Variants in KLF12 observed in about 807,000 individuals in gnomAD.
KLF12 encodes KLF transcription factor 12.
In KLF12, 9 loss-of-function variants were observed where a neutral mutation model predicts 37.8. The observed-to-expected ratio is 0.24, with a 90% CI of 0.14 to 0.42. The LOEUF is 0.42. KLF12 is among the 10% of genes least tolerant of loss of function. KLF12 has a pLI of 1.00. For missense variants in KLF12, 411 were observed against 516.0 expected (o/e 0.80, Z 1.97); for synonymous variants, 208 against 202.1 (o/e 1.03, Z -0.25).
chr13:74,189,469 G>T, the KLF12 span, among the ~76,000 whole-genome samples: 4 of 152,146 alleles, frequency 2.6e-5, no homozygotes, highest in African/African-American at 9.7e-5. Context: ...TTTGTATGAG[G>T]GACTGCCCCC....
At chr13:74,304,160 C>T in the KLF12 span, among the ~76,000 whole-genome samples, 2 of 152,288 alleles carry the variant, frequency 1.3e-5, no homozygotes, top group East Asian at 3.9e-4. Context: ...GTGATAAAGG[C>T]ACAGGCTTTC....
At chr13:74,302,989 A>G in the KLF12 span, among the ~76,000 whole-genome samples, 2 of 152,092 alleles carry the variant, frequency 1.3e-5, no homozygotes, top group Non-Finnish European at 2.9e-5. Flanking sequence ...TAAACCTTTC[A>G]ATCGTTCCCT....
intron 1 of KLF12, among the ~76,000 whole-genome samples, chr13:73,998,669 T>A (rs1892187117): frequency 6.6e-6 from 1 of 152,264 alleles, no homozygotes; most frequent in African/African-American, 2.4e-5. Context: ...GCTTTGTGCA[T>A]GTCAGTCTGT....
intron 1 of KLF12, among the ~76,000 whole-genome samples, chr13:74,007,196 G>A (rs948699302): frequency 3.3e-5 from 5 of 151,410 alleles, no homozygotes; most frequent in Non-Finnish European, 5.9e-5. Flanking sequence ...ATCTACTGTA[G>A]GCATCACATT....
intron 2 of KLF12, among the ~76,000 whole-genome samples, chr13:73,970,867 A>G (rs1043062048): frequency 2.6e-5 from 4 of 152,208 alleles, no homozygotes; most frequent in Non-Finnish European, 5.9e-5. Flanking sequence ...AGATGCTTCA[A>G]AAGTACCCAT....
At chr13:73,778,480 C>T (rs1880763934) in intron 5 of KLF12, among the ~76,000 whole-genome samples, 1 of 152,168 alleles carries the variant, frequency 6.6e-6, no homozygotes. Context: ...CTGCCTCAGC[C>T]TCCCGAGTAG....
At chr13:73,883,792 A>G (rs1221357297) in intron 3 of KLF12, among the ~76,000 whole-genome samples, 2 of 152,118 alleles carry the variant, frequency 1.3e-5, no homozygotes. Context: ...AAAATAATTA[A>G]CTCATATTTT....
chr13:73,863,379 T>C (rs577388989), intron 3 of KLF12, among the ~76,000 whole-genome samples: 6 of 152,182 alleles, frequency 3.9e-5, no homozygotes, highest in Non-Finnish European at 8.8e-5. Flanking sequence ...GGTTCTGCTC[T>C]TGTTCCGTGA....
intron 6 of KLF12, among the ~76,000 whole-genome samples, chr13:73,744,185 G>A (rs1177858099): frequency 6.6e-6 from 1 of 152,172 alleles, no homozygotes; most frequent in East Asian, 1.9e-4. Context: ...GTCTGACTTT[G>A]GGTAGCATGG....
the KLF12 span, among the ~76,000 whole-genome samples, chr13:74,167,158 TC>T: frequency 6.6e-6 from 1 of 152,246 alleles, no homozygotes; most frequent in Non-Finnish European, 1.5e-5. Flanking sequence ...TTCATTTTAT[TC>T]TTTGCCTCTT....
chr13:74,158,644 G>A, the KLF12 span, among the ~76,000 whole-genome samples: 369 of 152,276 alleles, frequency 2.4e-3, no homozygotes, highest in African/African-American at 8.5e-3. Context: ...GGTCGTGAAA[G>A]AGACTATTAG....
chr13:73,711,388 C>T (rs1334841901), intron 7 of KLF12, among the ~76,000 whole-genome samples: 1 of 152,196 alleles, frequency 6.6e-6, no homozygotes, highest in Non-Finnish European at 1.5e-5. Flanking sequence ...CAATGCCTAG[C>T]TTTAAAGCTT....
chr13:73,952,857 A>G (rs1320997809), intron 2 of KLF12, among the ~76,000 whole-genome samples: 3 of 152,194 alleles, frequency 2.0e-5, no homozygotes, highest in African/African-American at 7.2e-5. Context: ...GATACAAGAG[A>G]AACTGCAGCC....
At chr13:74,086,411 T>C (rs1024763368) in intron 1 of KLF12, among the ~76,000 whole-genome samples, 1 of 151,916 alleles carries the variant, frequency 6.6e-6, no homozygotes, top group Admixed American at 6.6e-5. Flanking sequence ...GAATGATGAT[T>C]TCCAATTTCA....
At chr13:73,849,947 T>A (rs573326435) in intron 3 of KLF12, among the ~76,000 whole-genome samples, 10 of 152,264 alleles carry the variant, frequency 6.6e-5, no homozygotes, top group African/African-American at 2.4e-4. Context: ...TCTAACAACA[T>A]GAAGATTGTA....
chr13:74,280,303 G>C, the KLF12 span, among the ~76,000 whole-genome samples: 1 of 152,084 alleles, frequency 6.6e-6, no homozygotes, highest in Non-Finnish European at 1.5e-5. Flanking sequence ...TGATCTTTTT[G>C]GGTAGAGTGT....
At chr13:74,070,118 A>C (rs1182111991) in intron 1 of KLF12, among the ~76,000 whole-genome samples, 2 of 152,144 alleles carry the variant, frequency 1.3e-5, no homozygotes, top group Non-Finnish European at 2.9e-5. Flanking sequence ...GACAGATGAA[A>C]CTCTTTCAAA....
At chr13:74,159,170 G>A in the KLF12 span, among the ~76,000 whole-genome samples, 1 of 152,192 alleles carries the variant, frequency 6.6e-6, no homozygotes, top group South Asian at 2.1e-4. Context: ...TAGGGGTTAA[G>A]TTCACTGGAG....
At chr13:73,874,081 T>C (rs545855127) in intron 3 of KLF12, among the ~76,000 whole-genome samples, 3 of 152,110 alleles carry the variant, frequency 2.0e-5, no homozygotes, top group Non-Finnish European at 4.4e-5. Context: ...TCTGATGAGG[T>C]CAAATGCAGC....
Sources: gnomAD v4.1 joint callset for allele counts (sites outside exome capture counted in the v4.1 genomes callset) on GRCh38, gnomAD v4.1.1 for gene constraint, MANE v1.5 for transcripts, NCBI Gene and HGNC (gene_info 2026-07-23, HGNC 2026-07-21) for gene names.